SDK1: variants seen among roughly 807,000 people sequenced by gnomAD.
SDK1 encodes the protein sidekick cell adhesion molecule 1.
In SDK1, 157 loss-of-function variants were observed where a neutral mutation model predicts 245.5. The observed-to-expected ratio is 0.64, with a 90% confidence interval of 0.56 to 0.73. The LOEUF (loss-of-function observed/expected upper bound fraction) is 0.73. SDK1 is among the 30% of genes least tolerant of loss of function. The pLI is 0.00. For synonymous variants in SDK1, 1,647 were observed against 1,278.5 expected, an observed-to-expected ratio of 1.29 and a Z score of -6.15; for missense variants, 3,583 against 3,002.3, an observed-to-expected ratio of 1.19 and a Z score of -4.52.
At chr7:3,879,065 G>A (rs992966195) in intron 5 of SDK1, among the ~76,000 whole-genome samples, 36 of 152,124 alleles carry the variant, frequency 2.4e-4, no homozygotes, top group African/African-American at 8.0e-4. Context: ...TTGGGAGAAG[G>A]TACCCAGTTG....
rs929343573 is a variant in SDK1, at chr7:4,161,823, A to G, written c.4767A>G (p.Pro1589=). 1 of 1,614,212 alleles carries G rather than the reference A, an allele frequency of 6.2e-7. No individual in the cohort carries two copies. Among genetic ancestry groups the G allele is most frequent in the African/African-American group, 1.3e-5 (1 of 75,068 alleles). ...CCCCGGGATCTGTCTCAGCGACGCCACACACCACGTCCTCTGTCCTGATAC... is the reference window on the plus strand; with the variant it reads ...CCCCGGGATCTGTCTCAGCGACGCCGCACACCACGTCCTCTGTCCTGATAC... ...GEPPGSVSAT[P]HTTSSVLIQW... is the part of the protein sequence containing the mutation. The change falls in exon 32 of 45, where the codon CCA becomes CCG. Residue 1589 remains proline, a synonymous_variant. Coordinates refer to ENST00000404826, the MANE Select transcript of SDK1 (RefSeq NM_152744.4).
chr7:3,627,272 T>C (rs1204911593), intron 2 of SDK1, among the ~76,000 whole-genome samples: 2 of 152,180 alleles, frequency 1.3e-5, no homozygotes, highest in Admixed American at 1.3e-4. Flanking sequence ...CCTATTAGTG[T>C]GGCTACTTCC....
chr7:4,017,182 C>A lies in SDK1; in HGVS notation c.2432C>A (p.Ala811Asp). The change falls in exon 17 of 45, where the codon GCT (alanine) becomes GAT (aspartate). Residue 811 changes from alanine (A) to aspartate (D), a missense_variant. Transcript: ENST00000404826. Reference protein sequence around the residue: ...LRGYILRYRLAGLPGEYQQRN... With the variant: ...LRGYILRYRLDGLPGEYQQRN... Reference sequence around the variant, plus strand: ...CCTTCGTGGCGCAGGTACCGCCTGGCTGGCCTTCCCGGAGAGTACCAGCAG... The same window carrying A: ...CCTTCGTGGCGCAGGTACCGCCTGGATGGCCTTCCCGGAGAGTACCAGCAG... 1 of 1,610,866 alleles carries A rather than the reference C, an allele frequency of 6.2e-7. No homozygotes were observed. Among genetic ancestry groups the A allele is most frequent in the South Asian group, 1.1e-5 (1 of 90,588 alleles).
intron 1 of SDK1, among the ~76,000 whole-genome samples, chr7:3,465,544 T>C (rs1004471047): frequency 6.6e-6 from 1 of 152,194 alleles, no homozygotes; most frequent in African/African-American, 2.4e-5. Flanking sequence ...TGAATGGCTT[T>C]GCACTGCTCT....
intron 16 of SDK1, among the ~76,000 whole-genome samples, chr7:4,016,048 C>T (rs1441296569): frequency 2.6e-5 from 4 of 152,338 alleles, no homozygotes; most frequent in South Asian, 2.1e-4. Context: ...TTCTCTGCTT[C>T]GGTGTCAGCA....
At chr7:3,475,907 T>G (rs1477383536) in intron 1 of SDK1, 2 of 152,650 alleles carry the variant, frequency 1.3e-5, no homozygotes, top group African/African-American at 2.4e-5. Flanking sequence ...AACCATTAAT[T>G]AAACATTTTG....
At chr7:3,745,082 T>TC (rs1251097489) in intron 4 of SDK1, among the ~76,000 whole-genome samples, 2 of 152,198 alleles carry the variant, frequency 1.3e-5, no homozygotes, top group South Asian at 2.1e-4. Flanking sequence ...CACAAAACAC[T>TC]CCAAGTTCCC....
At chr7:3,947,759 T>A (rs955968674) in intron 5 of SDK1, among the ~76,000 whole-genome samples, 1 of 151,884 alleles carries the variant, frequency 6.6e-6, no homozygotes, top group Admixed American at 6.6e-5. Flanking sequence ...TGTTTGAAAG[T>A]ATCATGAAGT....
At chr7:3,865,312 AAGG>A (rs1476360768) in intron 5 of SDK1, among the ~76,000 whole-genome samples, 3 of 152,310 alleles carry the variant, frequency 2.0e-5, no homozygotes, top group Admixed American at 2.0e-4. Context: ...TGGTGGGAGA[AAGG>A]AGAGAATGCA....
chr7:4,103,125 A>G (rs113859417), intron 22 of SDK1, among the ~76,000 whole-genome samples: 18,756 of 151,660 alleles, frequency 0.12, 1,892 homozygotes, highest in African/African-American at 0.28. Flanking sequence ...CTCAGCCTCC[A>G]GAGTAGCTGG....
intron 2 of SDK1, among the ~76,000 whole-genome samples, chr7:3,638,731 A>T (rs1366964684): frequency 6.6e-6 from 1 of 151,490 alleles, no homozygotes; most frequent in Non-Finnish European, 1.5e-5. Context: ...ACATGTATAC[A>T]TATGTAACTA....
chr7:3,975,682 C>T (rs562388381), intron 13 of SDK1, among the ~76,000 whole-genome samples: 43 of 152,340 alleles, frequency 2.8e-4, no homozygotes, highest in African/African-American at 9.1e-4. Flanking sequence ...AAAAGGTTCA[C>T]GATGTGTAGC....
chr7:4,259,591 C>G (rs912386615), intron 44 of SDK1, among the ~76,000 whole-genome samples: 3 of 152,190 alleles, frequency 2.0e-5, no homozygotes, highest in Admixed American at 6.5e-5. Context: ...CGGGCCAGCG[C>G]TTGGCGACCA....
intron 5 of SDK1, among the ~76,000 whole-genome samples, chr7:3,896,335 C>T (rs937389916): frequency 6.6e-6 from 1 of 152,142 alleles, no homozygotes; most frequent in African/African-American, 2.4e-5. Flanking sequence ...TATGCATGAG[C>T]GCTGGTAGGA....
Position 3,384,712 on chromosome 7 carries a change from G to A in SDK1, c.298+82828G>A, listed in dbSNP as rs57938715. 3.2e-3 allele frequency among the ~76,000 whole-genome samples: 491 copies of A among 152,286 alleles called. 6 individuals carry two copies. The highest frequency in any genetic ancestry group is 0.011 in the African/African-American group (459 of 41,548). ...TCCAGCATTCAAATGCAGCAGGCAT[G>A]TTTATCTGCTGCACTTACACCTACG... On this transcript the variant is annotated intron_variant, in intron 1 of 44. Transcript: ENST00000404826.
intron 1 of SDK1, among the ~76,000 whole-genome samples, chr7:3,502,442 G>A (rs1782247124): frequency 6.6e-6 from 1 of 152,044 alleles, no homozygotes; most frequent in African/African-American, 2.4e-5. Flanking sequence ...TAGAGATGGG[G>A]TTTCCCTATG....
chr7:3,887,634 C>T (rs1300816689), intron 5 of SDK1, among the ~76,000 whole-genome samples: 3 of 152,146 alleles, frequency 2.0e-5, no homozygotes, highest in African/African-American at 4.8e-5. Context: ...ACAAAAAAAG[C>T]ATGTTGTCAT....
rs372246732 is a variant in SDK1 at position 3,609,419 on chromosome 7, G to A, written c.299-9661G>A. On this transcript the variant is annotated intron_variant, in intron 1 of 44. Transcript: ENST00000404826. ...TTTTTCTTTTTCTTTTTCTTTTTTT[G>A]AGACAGAGTCTCACTCTGTTGCCCA... Among the ~76,000 whole-genome samples, 1,247 of 152,000 alleles carry A rather than the reference G, an allele frequency of 8.2e-3. 13 individuals carry two copies. The highest frequency in any genetic ancestry group is 0.012 in the Non-Finnish European group (847 of 67,968).
intron 1 of SDK1, among the ~76,000 whole-genome samples, chr7:3,546,815 A>G (rs990727169): frequency 4.6e-5 from 7 of 152,174 alleles, no homozygotes; most frequent in South Asian, 4.1e-4. Context: ...CTTGGACTCA[A>G]TCTCAGGTTA....
Sources: gnomAD v4.1 joint callset for allele counts (sites outside exome capture counted in the v4.1 genomes callset) on GRCh38, gnomAD v4.1.1 for gene constraint, MANE v1.5 for transcripts, NCBI Gene and HGNC (gene_info 2026-07-23, HGNC 2026-07-21) for gene names.